PRR15L: variants seen among roughly 807,000 people sequenced by gnomAD.
The protein encoded by PRR15L is proline rich 15 like.
In PRR15L, 1 loss-of-function variant was observed where a neutral mutation model predicts 3.7. That is an observed-to-expected ratio of 0.27 (90% CI 0.09 to 1.27). PRR15L has a LOEUF of 1.27. PRR15L is among the 50% of genes most tolerant of loss of function. The probability of loss-of-function intolerance (pLI) is 0.47; values close to 1 mark genes in which losing one functional copy is unlikely to be tolerated. For synonymous variants in PRR15L, 57 were observed against 51.9 expected, an observed-to-expected ratio of 1.10 and a Z score of -0.42; for missense variants, 127 against 128.7, an observed-to-expected ratio of 0.99 and a Z score of 0.06.
At position 47,952,656 on chromosome 17, in the gene PRR15L, GC is replaced by G; in HGVS notation, c.*266del. 1 of 362,666 alleles carries G rather than the reference GC, an allele frequency of 2.8e-6. No homozygotes were observed. The highest frequency in any genetic ancestry group is 5.0e-6 in the Non-Finnish European group (1 of 198,980). The allele number at this position is 362,666 out of a possible 1,614,324, so 22.5% of individuals were successfully genotyped here. On this transcript the variant is annotated 3_prime_UTR_variant, in exon 2 of 2. Transcript: ENST00000300557. ...TGGCCCTGCCATTGCTTCAAGGAGG[GC>G]TGTTCCTCCTGGGTGAGACTTTTCA...
chr17:47,957,614 G>T (rs939636835), intron 1 of PRR15L, 43 bp downstream of exon 1: 3 of 152,406 alleles, frequency 2.0e-5, no homozygotes, highest in African/African-American at 7.2e-5. Flanking sequence ...TCTGACTGGG[G>T]TCTATGCCTT....
chr17:47,953,703 G>A (rs1431686187), intron 1 of PRR15L, among the ~76,000 whole-genome samples: 1 of 151,034 alleles, frequency 6.6e-6, no homozygotes, highest in Non-Finnish European at 1.5e-5. Context: ...ATTAAAGAAA[G>A]AATTTAAGGT....
chr17:47,952,211 C>A lies in PRR15L; in HGVS notation c.*712G>T, dbSNP rs966675157. On this transcript the variant is annotated 3_prime_UTR_variant, in exon 2 of 2. Transcript: ENST00000300557. ...GAGAGGAGAAAATTCCCCACCCACTCCCCCGATTTGGCCCGTGTAGCTTCC... is the reference window on the plus strand; with the variant it reads ...GAGAGGAGAAAATTCCCCACCCACTACCCCGATTTGGCCCGTGTAGCTTCC... 6.6e-6 allele frequency: 1 copy of A among 152,182 alleles called. No homozygotes were observed. Among genetic ancestry groups the A allele is most frequent in the Non-Finnish European group, 1.5e-5 (1 of 68,032 alleles). The allele number at this position is 152,182 out of a possible 1,614,324, so 9.4% of individuals were successfully genotyped here.
rs2036088658 is a variant in PRR15L, at chr17:47,953,135, C to G, written c.100G>C (p.Glu34Gln). Residue 34 changes from glutamate (E) to glutamine (Q), a missense_variant, in exon 2 of 2, where the codon GAG (glutamate) becomes CAG (glutamine). Transcript: ENST00000300557. ...GGCCTCGGGGGTTCTGCATCTCCCT[C>G]TGTTTGGGCATAGGTGTCAGGGATC... ...YEIPDTYAQT[E>Q]GDAEPPRPDA... The G allele has an allele frequency of 1.2e-6, 2 of 1,614,144 alleles. No homozygotes were observed. The highest frequency in any genetic ancestry group is 8.5e-7 in the Non-Finnish European group (1 of 1,180,022).
In PRR15L at chr17:47,953,119, G is replaced by T. The variant is rs1383738082; in HGVS notation, c.116C>A (p.Pro39His). The T allele has an allele frequency of 4.3e-6, 7 of 1,614,126 alleles. No individual in the cohort carries two copies. Among genetic ancestry groups the T allele is most frequent in the Middle Eastern group, 1.7e-4 (1 of 6,060 alleles). The change falls in exon 2 of 2, where the codon CCC (proline) becomes CAC (histidine). Residue 39 changes from proline to histidine, a missense_variant. By Grantham distance (77) the Pro-to-His change is moderately conservative. Transcript: ENST00000300557. The part of the protein sequence containing the change: ...TYAQTEGDAE[P>H]PRPDAGGPNS... Reference sequence around the variant, plus strand: ...GGGGCCTCCAGCGTCAGGCCTCGGGGGTTCTGCATCTCCCTCTGTTTGGGC... The same window carrying T: ...GGGGCCTCCAGCGTCAGGCCTCGGGTGTTCTGCATCTCCCTCTGTTTGGGC...
intron 1 of PRR15L, 129 bp from the exon 2 acceptor site, chr17:47,953,392 T>C: frequency 4.9e-6 from 3 of 607,026 alleles, no homozygotes. Context: ...GGCGTGGTTC[T>C]TCATGCCTAT....
At position 47,953,142 on chromosome 17, in the gene PRR15L, G is replaced by C; in HGVS notation, c.93C>G (p.Ala31=). Residue 31 remains alanine, a synonymous_variant, in exon 2 of 2, where the codon GCC becomes GCG. Transcript: ENST00000300557. The stretch of plus-strand genomic sequence containing the variant: ...GGGGTTCTGCATCTCCCTCTGTTTG[G>C]GCATAGGTGTCAGGGATCTCATACA... ...KVLYEIPDTY[A]QTEGDAEPPR... 6.2e-7 allele frequency: 1 copy of C among 1,613,998 alleles called. No homozygotes were observed. The highest frequency in any genetic ancestry group is 8.5e-7 in the Non-Finnish European group (1 of 1,180,000).
Position 47,953,132 on chromosome 17 carries a change from C to G in PRR15L, c.103G>C (p.Gly35Arg), listed in dbSNP as rs530524141. The change falls in exon 2 of 2, where the codon GGA becomes CGA. Residue 35 changes from glycine to arginine, a missense_variant. By Grantham distance (125) the Gly-to-Arg change is moderately radical (BLOSUM62 -2). Coordinates refer to ENST00000300557, the MANE Select transcript of PRR15L (RefSeq NM_024320.4). ...EIPDTYAQTE[G>R]DAEPPRPDAG... ...TCAGGCCTCGGGGGTTCTGCATCTC[C>G]CTCTGTTTGGGCATAGGTGTCAGGG... 1 of 1,614,110 alleles carries G rather than the reference C, an allele frequency of 6.2e-7. No individual in the cohort carries two copies. The highest frequency in any genetic ancestry group is 1.3e-5 in the African/African-American group (1 of 75,022).
Position 47,953,118 on chromosome 17 carries a change from G to A in PRR15L, c.117C>T (p.Pro39=). 1 of 1,614,140 alleles carries A rather than the reference G, an allele frequency of 6.2e-7. No homozygotes were observed. ...TGGGGCCTCCAGCGTCAGGCCTCGG[G>A]GGTTCTGCATCTCCCTCTGTTTGGG... ...TYAQTEGDAE[P]PRPDAGGPNS... The change falls in exon 2 of 2, where the codon CCC becomes CCT. Residue 39 remains proline (P), a synonymous_variant. Transcript: ENST00000300557.
At chr17:47,954,428 A>G (rs905824242) in intron 1 of PRR15L, among the ~76,000 whole-genome samples, 1 of 152,250 alleles carries the variant, frequency 6.6e-6, no homozygotes, top group African/African-American at 2.4e-5. Context: ...AAGGGGAGCT[A>G]AAAAGGCAGA....
At chr17:47,953,506 A>G (rs1331370932) in intron 1 of PRR15L, among the ~76,000 whole-genome samples, 1 of 152,050 alleles carries the variant, frequency 6.6e-6, no homozygotes, top group East Asian at 1.9e-4. Context: ...TAAAAATACA[A>G]AAATTAGCTG....
intron 1 of PRR15L, among the ~76,000 whole-genome samples, chr17:47,955,150 A>G (rs2036114740): frequency 6.6e-6 from 1 of 152,010 alleles, no homozygotes; most frequent in Non-Finnish European, 1.5e-5. Flanking sequence ...GCTGGTCTCG[A>G]ACTCCTGACC....
Position 47,952,984 on chromosome 17 carries a change from G to A in PRR15L, c.251C>T (p.Ala84Val). The change falls in exon 2 of 2, where the codon GCC becomes GTC. Residue 84 changes from alanine (A) to valine (V), a missense_variant. By Grantham distance (64) the Ala-to-Val change is moderately conservative (BLOSUM62 0). Transcript: ENST00000300557. ...GAGGTTAGGGTTCTCTGCCAGCGTG[G>A]CTCTCACTTTCTTCTTCTCCTTGAA... ...GRFKEKKKVRATLAENPNLFD... is the reference protein window; with the variant it reads ...GRFKEKKKVRVTLAENPNLFD... The A allele has an allele frequency of 6.2e-7, 1 of 1,614,116 alleles. No individual in the cohort carries two copies. Among genetic ancestry groups the A allele is most frequent in the Non-Finnish European group, 8.5e-7 (1 of 1,180,026 alleles).
Position 47,953,178 on chromosome 17 carries a change from A to G in PRR15L, c.57T>C (p.Thr19=). 1.2e-6 allele frequency: 2 copies of G among 1,601,376 alleles called. No individual in the cohort carries two copies. Among genetic ancestry groups the G allele is most frequent in the African/African-American group, 1.3e-5 (1 of 74,312 alleles). The change falls in exon 2 of 2, where the codon ACT becomes ACC. Residue 19 remains threonine, a synonymous_variant. Coordinates refer to ENST00000300557, the MANE Select transcript of PRR15L (RefSeq NM_024320.4). The stretch of plus-strand genomic sequence containing the variant: ...CAGGGATCTCATACAGCACTTTGGG[A>G]GTGGATTTCTTTTTCCGGAGGAAAG... ...KLTFLRKKKS[T]PKVLYEIPDT...
At position 47,952,936 on chromosome 17, in the gene PRR15L, C is replaced by T. The variant is rs751460929; in HGVS notation, c.299G>A (p.Arg100Gln). ...CTCCTCAGCCCTTCACTTTGATGAC[C>T]GTCCTTCCTCGTGATCATCAAAGAG... ...PNLFDDHEEG[R>Q]SSK Residue 100 changes from arginine (R) to glutamine (Q), a missense_variant, in exon 2 of 2, where the codon CGG becomes CAG. Physicochemically the swap from Arg to Gln is conservative, Grantham distance 43. Coordinates refer to ENST00000300557, the MANE Select transcript of PRR15L (RefSeq NM_024320.4). 9.3e-6 allele frequency: 15 copies of T among 1,612,890 alleles called. No individual in the cohort carries two copies. Among genetic ancestry groups the T allele is most frequent in the East Asian group, 8.9e-5 (4 of 44,868 alleles).
chr17:47,954,941 T>G (rs2036111617), intron 1 of PRR15L, among the ~76,000 whole-genome samples: 1 of 113,796 alleles, frequency 8.8e-6, no homozygotes, highest in South Asian at 3.7e-4. Context: ...TTTCTTTTTT[T>G]TTTTTTTGAG....
chr17:47,955,420 C>T (rs1289609695), intron 1 of PRR15L, among the ~76,000 whole-genome samples: 1 of 152,118 alleles, frequency 6.6e-6, no homozygotes. Flanking sequence ...CCCTCGTGCT[C>T]TGGTCTCCTG....
intron 1 of PRR15L, among the ~76,000 whole-genome samples, chr17:47,955,005 C>G (rs772642361): frequency 1.3e-5 from 2 of 150,220 alleles, no homozygotes; most frequent in Non-Finnish European, 3.0e-5. Context: ...TCTCGGCTCA[C>G]CACAACCTCC....
chr17:47,954,253 C>T (rs2036103582), intron 1 of PRR15L, among the ~76,000 whole-genome samples: 1 of 152,170 alleles, frequency 6.6e-6, no homozygotes, highest in Non-Finnish European at 1.5e-5. Context: ...CCTCTCTGGG[C>T]CTCAGTTTCC....
Sources: allele counts gnomAD v4.1 joint callset (sites outside exome capture counted in the v4.1 genomes callset), GRCh38; gene constraint gnomAD v4.1.1; transcripts MANE v1.5; gene names NCBI Gene and HGNC (gene_info 2026-07-23, HGNC 2026-07-21).